Variants in IL36B observed in about 807,000 individuals in gnomAD.
IL36B encodes the protein interleukin-36 beta.
Under a neutral mutation model 19.3 loss-of-function variants are expected in IL36B, and 23 were observed. The observed-to-expected ratio is 1.19, with a 90% CI of 0.86 to 1.69. The LOEUF (loss-of-function observed/expected upper bound fraction) is 1.69, where lower values mean the gene tolerates loss of function less well. Among genes scored for constraint, IL36B ranks in the 40% most tolerant of loss-of-function variants. The probability of loss-of-function intolerance (pLI) is 0.00; values close to 1 mark genes in which losing one functional copy is unlikely to be tolerated. For synonymous variants in IL36B, 59 were observed against 59.7 expected (o/e 0.99, Z 0.05); for missense variants, 217 against 200.5 (o/e 1.08, Z -0.50).
chr2:113,041,158 C>A (rs60553648), intron 1 of IL36B, among the ~76,000 whole-genome samples: 105,876 of 141,514 alleles, frequency 0.75, 40,085 homozygotes, highest in East Asian at 0.94. Context: ...CTTTGCCACA[C>A]ACAAAAAAAA....
At chr2:113,028,095 C>A in intron 4 of IL36B, 1 of 1,613,984 alleles carries the variant, frequency 6.2e-7, no homozygotes, top group South Asian at 1.1e-5. Flanking sequence ...TCTCCACATA[C>A]AGGTCCATGA....
intron 1 of IL36B, among the ~76,000 whole-genome samples, chr2:113,040,067 C>T (rs1018477731): frequency 2.6e-5 from 4 of 152,116 alleles, no homozygotes; most frequent in African/African-American, 7.2e-5. Flanking sequence ...GATGTGACTC[C>T]ACATCAAGAA....
At chr2:113,049,369 G>A (rs1452618506) in intron 1 of IL36B, among the ~76,000 whole-genome samples, 1 of 152,148 alleles carries the variant, frequency 6.6e-6, no homozygotes, top group African/African-American at 2.4e-5. Flanking sequence ...CTCAGGGAAT[G>A]GGAGGAAATA....
intron 1 of IL36B, among the ~76,000 whole-genome samples, chr2:113,044,260 ATGTGTGTGTGTGTGTGTGTGTG>A (rs56838257): frequency 0.015 from 2,124 of 142,540 alleles, 57 homozygotes; most frequent in African/African-American, 0.052. Flanking sequence ...CTATATCTAT[ATGTGTGTGTGTGTGTGTGTGTG>A]TGTGTGTGTG....
At chr2:113,023,386 GC>G (rs941420400) in intron 5 of IL36B, among the ~76,000 whole-genome samples, 10 of 152,182 alleles carry the variant, frequency 6.6e-5, no homozygotes, top group African/African-American at 9.7e-5. Flanking sequence ...AGTGGCTTTG[GC>G]CTTGGTCAGT....
At chr2:113,051,710 G>A (rs1685449740) in intron 1 of IL36B, among the ~76,000 whole-genome samples, 2 of 152,206 alleles carry the variant, frequency 1.3e-5, no homozygotes, top group Admixed American at 6.5e-5. Context: ...CTGGGTTGGA[G>A]AGGGAGTCCT....
intron 5 of IL36B, among the ~76,000 whole-genome samples, chr2:113,025,835 T>C (rs965993479): frequency 6.6e-6 from 1 of 152,184 alleles, no homozygotes; most frequent in African/African-American, 2.4e-5. Context: ...TGATAGAATC[T>C]GTCTTAGCTA....
chr2:113,031,247 GGAGA>G lies in IL36B; in HGVS notation c.14-96_14-93del, dbSNP rs1685069626. ...TGGTATTAATGGCTTTTGAGTTTCTGGAGAGAGTCTCATTGCTCTGAGAAGTAGT... is the reference window on the plus strand; with the variant it reads ...TGGTATTAATGGCTTTTGAGTTTCTGGAGTCTCATTGCTCTGAGAAGTAGT... On this transcript the variant is annotated intron_variant, in intron 2 of 5. Transcript: ENST00000259213. 4 of 828,440 alleles carry G rather than the reference GGAGA, an allele frequency of 4.8e-6. No individual in the cohort carries two copies. In the East Asian group the frequency reaches 1.0e-4, roughly 21 times the overall value. The allele number at this position is 828,440 out of a possible 1,614,324, so 51.3% of individuals were successfully genotyped here. A position where few individuals can be genotyped will look rare whatever the true frequency, so the allele number is the denominator to read the frequency against.
chr2:113,050,954 G>A (rs1333163117), intron 1 of IL36B, among the ~76,000 whole-genome samples: 2 of 151,694 alleles, frequency 1.3e-5, no homozygotes, highest in Non-Finnish European at 1.5e-5. Context: ...GCCTCTCAGC[G>A]TGGCCTCCCG....
intron 1 of IL36B, among the ~76,000 whole-genome samples, chr2:113,035,972 TTGCTC>T (rs2105048564): frequency 6.6e-6 from 1 of 152,300 alleles, no homozygotes; most frequent in East Asian, 1.9e-4. Flanking sequence ...TTCTTTTCTT[TTGCTC>T]TGTCGCCCAG....
chr2:113,028,886 A>G (rs1205053430), intron 4 of IL36B, 53 bp downstream of exon 4: 1 of 1,503,312 alleles, frequency 6.7e-7, no homozygotes. Context: ...ATAGTAAATG[A>G]AATAGAAAGT....
rs780876577 is a variant in IL36B, at chr2:113,029,026, C to T, written c.174G>A (p.Lys58=). Reference sequence around the variant, plus strand: ...TGATTCCCAGGTAAACCATATTACCCTTTTCCTTGTCACTGAATTCTGTGT... The same window carrying T: ...TGATTCCCAGGTAAACCATATTACCTTTTTCCTTGTCACTGAATTCTGTGT... Residue 58 remains lysine (K), a synonymous_variant, in exon 4 of 6, where the codon AAG becomes AAA. Coordinates refer to ENST00000259213, the MANE Select transcript of IL36B (RefSeq NM_014438.5). 5.6e-6 allele frequency: 9 copies of T among 1,613,880 alleles called. No homozygotes were observed. The highest frequency in any genetic ancestry group is 6.8e-6 in the Non-Finnish European group (8 of 1,179,802).
At chr2:113,035,468 T>C (rs2105048139) in intron 1 of IL36B, among the ~76,000 whole-genome samples, 1 of 152,166 alleles carries the variant, frequency 6.6e-6, no homozygotes, top group Non-Finnish European at 1.5e-5. Flanking sequence ...ACATGATCCA[T>C]TCGCCTATGC....
chr2:113,022,609 T>C lies in IL36B; in HGVS notation c.*65A>G. The C allele has an allele frequency of 1.9e-6, 2 of 1,036,854 alleles. No homozygotes were observed. The highest frequency in any genetic ancestry group is 1.3e-5 in the South Asian group (1 of 77,294). The allele number at this position is 1,036,854 out of a possible 1,614,324, so 64.2% of individuals were successfully genotyped here. A position where few individuals can be genotyped will look rare whatever the true frequency, so the allele number is the denominator to read the frequency against. On this transcript the variant is annotated 3_prime_UTR_variant, in exon 6 of 6. Transcript: ENST00000259213. ...AAATTTCTGCAACTTATTCCATTTG[T>C]AGCATTTCATTGATAGCAAACCCAC...
chr2:113,038,160 G>C (rs1185497676), intron 1 of IL36B, among the ~76,000 whole-genome samples: 1 of 152,200 alleles, frequency 6.6e-6, no homozygotes, highest in Admixed American at 6.5e-5. Context: ...ATTTGGGCCA[G>C]GAGGTAGTTT....
rs148962410 is a variant in IL36B at position 113,032,273 on chromosome 2, A to G, written c.-57-507T>C. ...GTAGCTAACCTGCCTCACTGAGCCC[A>G]TCTTCTTCCATTCCTCATCCAAAGA... On this transcript the variant is annotated intron_variant, in intron 1 of 5. Transcript: ENST00000259213. Among the ~76,000 whole-genome samples the G allele has an allele frequency of 1.4e-4, 21 of 152,146 alleles. No individual in the cohort carries two copies. In the East Asian group the frequency reaches 3.9e-3, roughly 28 times the overall value.
At chr2:113,033,448 A>T (rs1003440665) in intron 1 of IL36B, among the ~76,000 whole-genome samples, 2 of 152,224 alleles carry the variant, frequency 1.3e-5, no homozygotes, top group African/African-American at 4.8e-5. Context: ...TGTGTTGCCC[A>T]GGCTGGTCTC....
intron 1 of IL36B, among the ~76,000 whole-genome samples, chr2:113,049,816 A>C (rs753451213): frequency 6.6e-6 from 1 of 152,122 alleles, no homozygotes; most frequent in Non-Finnish European, 1.5e-5. Context: ...TTAGCCAGGC[A>C]TGGTGGCGTG....
intron 1 of IL36B, among the ~76,000 whole-genome samples, chr2:113,040,287 A>C (rs1039867417): frequency 7.9e-5 from 12 of 152,368 alleles, no homozygotes; most frequent in African/African-American, 2.9e-4. Context: ...CAAGAAAAAA[A>C]AGTCTACAGC....
Sources: allele counts gnomAD v4.1 joint callset (sites outside exome capture counted in the v4.1 genomes callset), GRCh38; gene constraint gnomAD v4.1.1; transcripts MANE v1.5; gene names NCBI Gene and HGNC (gene_info 2026-07-23, HGNC 2026-07-21).